ERI1: variants seen among roughly 807,000 people sequenced by gnomAD.
ERI1 encodes the protein 3'-5' exoribonuclease 1.
In ERI1, 39 loss-of-function variants were observed where a neutral mutation model predicts 39.7. The observed-to-expected ratio is 0.98, with a 90% CI of 0.76 to 1.28. ERI1 has a LOEUF of 1.28. ERI1 is among the 50% of genes most tolerant of loss of function. ERI1 has a pLI of 0.00. For missense variants in ERI1, 581 were observed against 416.9 expected, an observed-to-expected ratio of 1.39 and a Z score of -3.43; for synonymous variants, 204 against 149.6, an observed-to-expected ratio of 1.36 and a Z score of -2.65.
chr8:9,084,877 T>G (rs1406933938), intron 3 of ERI1, among the ~76,000 whole-genome samples: 1 of 152,148 alleles, frequency 6.6e-6, no homozygotes, highest in Admixed American at 6.5e-5. Context: ...CTTCAGTCGC[T>G]CAGGAGAAAA....
chr8:9,048,123 CAA>C (rs1489831965), intron 3 of ERI1, among the ~76,000 whole-genome samples: 1 of 152,218 alleles, frequency 6.6e-6, no homozygotes, highest in Non-Finnish European at 1.5e-5. Context: ...TGAAGAAAAA[CAA>C]AGCCCAGTCT....
At chr8:9,022,733 T>C (rs1011910628) in intron 6 of ERI1, among the ~76,000 whole-genome samples, 5 of 152,110 alleles carry the variant, frequency 3.3e-5, no homozygotes, top group African/African-American at 1.2e-4. Flanking sequence ...TTTGAACTCA[T>C]TTTGTGAATT....
At chr8:9,060,485 G>T (rs1352413729) in intron 3 of ERI1, among the ~76,000 whole-genome samples, 1 of 152,216 alleles carries the variant, frequency 6.6e-6, no homozygotes, top group Non-Finnish European at 1.5e-5. Context: ...TAGAATAGCA[G>T]ATGGAACACT....
chr8:9,004,514 A>G (rs1371981547), intron 1 of ERI1, among the ~76,000 whole-genome samples: 4 of 132,986 alleles, frequency 3.0e-5, no homozygotes, highest in Non-Finnish European at 6.2e-5. Context: ...TTTTTTTTAC[A>G]AAAAGCCGGT....
chr8:9,003,674 C>A (rs2979261), intron 1 of ERI1, among the ~76,000 whole-genome samples: 133,053 of 152,220 alleles, frequency 0.87, 58,334 homozygotes, highest in Non-Finnish European at 0.91. Context: ...TCTCATATAA[C>A]CATAGTATAA....
intron 3 of ERI1, among the ~76,000 whole-genome samples, chr8:9,056,816 G>A (rs145210515): frequency 4.4e-4 from 67 of 152,196 alleles, no homozygotes; most frequent in Non-Finnish European, 8.4e-4. Context: ...CATCAATTAC[G>A]TGGGAACACT....
At chr8:9,065,918 A>C (rs1285661633) in intron 3 of ERI1, among the ~76,000 whole-genome samples, 1 of 152,136 alleles carries the variant, frequency 6.6e-6, no homozygotes, top group Admixed American at 6.5e-5. Context: ...CGCTGTCGGC[A>C]GTGGCTGGGC....
Position 9,097,767 on chromosome 8 carries a change from C to T in ERI1, n.300-18581C>T, listed in dbSNP as rs1387591667. On this transcript the variant is annotated intron_variant and non_coding_transcript_variant, in intron 3 of 3. Transcript: ENST00000518663. ...AAAGAAGAAAAGACATAAACAAGCA[C>T]TATATACATCATAAAGAATGTGGAT... is the stretch of plus-strand genomic sequence containing the variant. Among the ~76,000 whole-genome samples the T allele has an allele frequency of 1.3e-5, 2 of 151,124 alleles. 1 individual carries two copies. The highest frequency in any genetic ancestry group is 2.9e-5 in the Non-Finnish European group (2 of 67,852).
intron 6 of ERI1, among the ~76,000 whole-genome samples, chr8:9,024,477 G>A (rs1306216433): frequency 6.6e-6 from 1 of 151,902 alleles, no homozygotes; most frequent in Non-Finnish European, 1.5e-5. Context: ...CTGGAGTGCA[G>A]TGGTGGGGTC....
At chr8:9,052,022 T>G (rs1489378843) in intron 3 of ERI1, among the ~76,000 whole-genome samples, 1 of 152,190 alleles carries the variant, frequency 6.6e-6, no homozygotes, top group Non-Finnish European at 1.5e-5. Flanking sequence ...CCAGATCTCA[T>G]AGGGTCGTAG....
At chr8:9,074,540 C>T (rs369475322) in intron 3 of ERI1, among the ~76,000 whole-genome samples, 99 of 152,284 alleles carry the variant, frequency 6.5e-4, no homozygotes, top group African/African-American at 2.1e-3. Context: ...CTCCTGGGCT[C>T]AAGCAATTCT....
At chr8:9,071,171 A>T (rs1799037792) in intron 3 of ERI1, among the ~76,000 whole-genome samples, 1 of 152,222 alleles carries the variant, frequency 6.6e-6, no homozygotes, top group African/African-American at 2.4e-5. Flanking sequence ...GCGGGGCATT[A>T]TTCTAAGCAG....
intron 3 of ERI1, among the ~76,000 whole-genome samples, chr8:9,056,633 A>C (rs1352040784): frequency 4.6e-5 from 6 of 130,770 alleles, no homozygotes; most frequent in African/African-American, 1.3e-4. Flanking sequence ...CGGTTTTCTA[A>C]AGGGCAAAGT....
In ERI1 at chr8:9,003,029, G is replaced by A; in HGVS notation, c.-35G>A. ...GCAGAGTGAGAGTTAGCAAGTGTCCGGCTCCAGCAACTCTCCTCTGGCGTG... is the reference window on the plus strand; with the variant it reads ...GCAGAGTGAGAGTTAGCAAGTGTCCAGCTCCAGCAACTCTCCTCTGGCGTG... On this transcript the variant is annotated 5_prime_UTR_variant, in exon 1 of 7. Coordinates refer to ENST00000250263, the MANE Select transcript of ERI1 (RefSeq NM_153332.4). 8.3e-7 allele frequency: 1 copy of A among 1,202,094 alleles called. No homozygotes were observed. The highest frequency in any genetic ancestry group is 3.2e-5 in the East Asian group (1 of 31,518). 74.5% of individuals were successfully genotyped at this position (1,202,094 alleles called of 1,614,324 possible).
chr8:9,048,119 AAAAC>A (rs771845334), intron 3 of ERI1, among the ~76,000 whole-genome samples: 8 of 152,232 alleles, frequency 5.3e-5, no homozygotes, highest in Non-Finnish European at 1.0e-4. Context: ...TGAGTGAAGA[AAAAC>A]AAAGCCCAGT....
chr8:9,038,040 G>T (rs1454091595), downstream of ERI1, among the ~76,000 whole-genome samples: 1 of 152,066 alleles, frequency 6.6e-6, no homozygotes, highest in Non-Finnish European at 1.5e-5. Context: ...AAAGGAAACT[G>T]TACCTATTTG....
rs773993243 is a variant in ERI1 at position 9,051,674 on chromosome 8, G to C, written n.299+31210G>C. On this transcript the variant is annotated intron_variant and non_coding_transcript_variant, in intron 3 of 3. Coordinates refer to the ERI1 transcript ENST00000518663. ...CCCTGTCTCAAAAAAAAAAAAAGAA[G>C]CACGACTAAGGGAAACGCCTTCCTC... Among the ~76,000 whole-genome samples, 40 of 150,892 alleles carry C rather than the reference G, an allele frequency of 2.7e-4. No individual in the cohort carries two copies. The Middle Eastern group carries it at 0.024, about 90-fold the overall frequency.
chr8:9,024,093 C>A (rs1048928827), intron 6 of ERI1, among the ~76,000 whole-genome samples: 1 of 152,020 alleles, frequency 6.6e-6, no homozygotes, highest in Non-Finnish European at 1.5e-5. Flanking sequence ...AGCCATTGCG[C>A]CTGGCCAAAA....
In ERI1 at chr8:9,060,278, G is replaced by C. The variant is rs1472003320; in HGVS notation, n.299+39814G>C. Among the ~76,000 whole-genome samples, 3 of 152,298 alleles carry C rather than the reference G, an allele frequency of 2.0e-5. No individual in the cohort carries two copies. In the East Asian group the frequency reaches 5.8e-4, roughly 29 times the overall value. ...TGACAGAAGGGAAGAAATGACCGCG[G>C]TGGCCTTCTCAGACCCTGTGAGAAA... On this transcript the variant is annotated intron_variant and non_coding_transcript_variant, in intron 3 of 3. Coordinates refer to the ERI1 transcript ENST00000518663.
Sources: allele counts gnomAD v4.1 joint callset (sites outside exome capture counted in the v4.1 genomes callset), GRCh38; gene constraint gnomAD v4.1.1; transcripts MANE v1.5; gene names NCBI Gene and HGNC (gene_info 2026-07-23, HGNC 2026-07-21).